The following ELAVL2 variants were observed in gnomAD, a reference collection of about 807,000 sequenced individuals.
ELAVL2 encodes ELAV like RNA binding protein 2, also known as ELAV-like protein 2.
A neutral mutation model predicts 34.6 loss-of-function variants in ELAVL2; 4 were observed. The observed-to-expected ratio is 0.12, with a 90% CI of 0.06 to 0.26. The LOEUF (loss-of-function observed/expected upper bound fraction) is 0.26, where lower values mean the gene tolerates loss of function less well. ELAVL2 is among the 10% of genes least tolerant of loss of function. ELAVL2 has a pLI of 1.00. For missense variants in ELAVL2, 432 were observed against 442.8 expected, an observed-to-expected ratio of 0.98 and a Z score of 0.22; for synonymous variants, 193 against 154.8, an observed-to-expected ratio of 1.25 and a Z score of -1.83.
chr9:23,841,413 CCAGA>C, the ELAVL2 span, among the ~76,000 whole-genome samples: 1 of 151,928 alleles, frequency 6.6e-6, no homozygotes, highest in African/African-American at 2.4e-5. Flanking sequence ...TGCTACACCA[CCAGA>C]CAGAGTTTTT....
At chr9:23,719,110 A>G (rs771065860) in intron 3 of ELAVL2, among the ~76,000 whole-genome samples, 6 of 152,196 alleles carry the variant, frequency 3.9e-5, no homozygotes, top group Non-Finnish European at 7.4e-5. Context: ...GAGGGGAACT[A>G]CCACCTTTAT....
chr9:23,793,539 G>C (rs917465610), intron 1 of ELAVL2, among the ~76,000 whole-genome samples: 1 of 151,986 alleles, frequency 6.6e-6, no homozygotes, highest in African/African-American at 2.4e-5. Flanking sequence ...AAAACTAATA[G>C]AGTCTCTCAG....
the ELAVL2 span, among the ~76,000 whole-genome samples, chr9:23,842,286 C>T: frequency 6.6e-6 from 1 of 152,030 alleles, no homozygotes; most frequent in Non-Finnish European, 1.5e-5. Flanking sequence ...GTTCAAGGAC[C>T]CTCTCTGCCA....
Position 23,693,313 on chromosome 9 carries a change from C to T in ELAVL2, c.752+135G>A, listed in dbSNP as rs1299158683. 3 of 1,076,596 alleles carry T rather than the reference C, an allele frequency of 2.8e-6. No individual in the cohort carries two copies. In the South Asian group the frequency reaches 4.6e-5, roughly 17 times the overall value. 66.7% of individuals were successfully genotyped at this position (1,076,596 alleles called of 1,614,324 possible). A position where few individuals can be genotyped will look rare whatever the true frequency, so the allele number is the denominator to read the frequency against. On this transcript the variant is annotated intron_variant, in intron 6 of 6. Transcript: ENST00000397312. ...CTTGAGTCAATTGTGCTTCAAAGAG[C>T]AGCTTTTCATTAGGTTGCACATGCA...
At chr9:23,753,928 A>C (rs944069931) in intron 2 of ELAVL2, among the ~76,000 whole-genome samples, 1 of 152,206 alleles carries the variant, frequency 6.6e-6, no homozygotes, top group Non-Finnish European at 1.5e-5. Flanking sequence ...CAAACCAGCA[A>C]AGCAACAAAG....
intron 2 of ELAVL2, among the ~76,000 whole-genome samples, chr9:23,759,754 T>TTTTATATATATATATA (rs1279843264): frequency 2.7e-4 from 22 of 81,344 alleles, no homozygotes; most frequent in East Asian, 1.9e-3. Flanking sequence ...ATATATAGTA[T>TTTTATATATATATATA]TATATATATA....
At chr9:23,824,990 C>T (rs2065206015) in intron 1 of ELAVL2, among the ~76,000 whole-genome samples, 1 of 152,156 alleles carries the variant, frequency 6.6e-6, no homozygotes, top group Non-Finnish European at 1.5e-5. Flanking sequence ...AATCCACTTC[C>T]CAGCGCCCAG....
chr9:23,813,718 C>T (rs1458937271), intron 1 of ELAVL2, among the ~76,000 whole-genome samples: 1 of 152,098 alleles, frequency 6.6e-6, no homozygotes, highest in East Asian at 1.9e-4. Context: ...GTTTTTCAAC[C>T]ACGGGTTAAG....
At chr9:23,724,253 C>A (rs975837564) in intron 3 of ELAVL2, among the ~76,000 whole-genome samples, 1 of 152,194 alleles carries the variant, frequency 6.6e-6, no homozygotes. Flanking sequence ...GCAGGGGACA[C>A]TGCCACCAAG....
chr9:23,719,666 C>T (rs1482015525), intron 3 of ELAVL2, among the ~76,000 whole-genome samples: 1 of 151,996 alleles, frequency 6.6e-6, no homozygotes, highest in African/African-American at 2.4e-5. Flanking sequence ...AAAATTATAG[C>T]ATAAAATGTG....
Position 23,692,538 on chromosome 9 carries a change from G to C in ELAVL2, c.*19C>G. On this transcript the variant is annotated 3_prime_UTR_variant, in exon 7 of 7. Transcript: ENST00000397312. Reference sequence around the variant, plus strand: ...GTTGTATAGTTTTCATATATAAATGGACTGAGGACAAGAGCTCATTAGGCT... The same window carrying C: ...GTTGTATAGTTTTCATATATAAATGCACTGAGGACAAGAGCTCATTAGGCT... 6.3e-7 allele frequency: 1 copy of C among 1,599,566 alleles called. No individual in the cohort carries two copies. The highest frequency in any genetic ancestry group is 8.5e-7 in the Non-Finnish European group (1 of 1,171,120).
chr9:23,804,649 T>C (rs2061991734), intron 1 of ELAVL2, among the ~76,000 whole-genome samples: 1 of 152,216 alleles, frequency 6.6e-6, no homozygotes, highest in Admixed American at 6.5e-5. Context: ...TATTTGCATT[T>C]TTAATTACGC....
At chr9:23,733,093 A>G (rs908446553) in intron 2 of ELAVL2, among the ~76,000 whole-genome samples, 2 of 149,014 alleles carry the variant, frequency 1.3e-5, no homozygotes, top group African/African-American at 2.5e-5. Context: ...ACTGATAGAT[A>G]CTCCTCCTCC....
In ELAVL2 at chr9:23,701,392, C is replaced by T. The variant is rs1748231219; in HGVS notation, c.700G>A (p.Ala234Thr). 4 of 1,614,040 alleles carry T rather than the reference C, an allele frequency of 2.5e-6. No individual in the cohort carries two copies. The highest frequency in any genetic ancestry group is 3.4e-6 in the Non-Finnish European group (4 of 1,179,934). The change falls in exon 5 of 7, where the codon GCA (alanine) becomes ACA (threonine). Residue 234 changes from alanine (A) to threonine (T), a missense_variant. Transcript: ENST00000397312. The part of the protein sequence containing the change: ...RRYPGPLAQQ[A>T]QRFRLDNLLN... ...AACCAGACTTACCTAAAACGCTGTG[C>T]CTGCTGAGCTAGCGGTCCTGGATAC... is the stretch of plus-strand genomic sequence containing the variant.
At chr9:23,824,859 G>C (rs752509713) in intron 1 of ELAVL2, among the ~76,000 whole-genome samples, 1 of 152,194 alleles carries the variant, frequency 6.6e-6, no homozygotes, top group Non-Finnish European at 1.5e-5. Context: ...CGGTAAGGAG[G>C]GGGTGAGGGC....
At position 23,774,084 on chromosome 9, in the gene ELAVL2, G is replaced by C. The variant is rs187758705; in HGVS notation, c.-15-11835C>G. On this transcript the variant is annotated intron_variant, in intron 1 of 6. Coordinates refer to ENST00000397312, the MANE Select transcript of ELAVL2 (RefSeq NM_004432.5). The stretch of plus-strand genomic sequence containing the variant: ...AAATTAGCCGGACTTGGTGGCGGGC[G>C]CCTGTAGTCCCAGCTACACGGGAGG... 4.0e-4 allele frequency among the ~76,000 whole-genome samples: 61 copies of C among 151,638 alleles called. 2 individuals carry two copies. In the East Asian group the frequency reaches 0.01, roughly 25 times the overall value.
chr9:23,771,660 G>A (rs1223454036), intron 1 of ELAVL2, among the ~76,000 whole-genome samples: 3 of 152,066 alleles, frequency 2.0e-5, no homozygotes, highest in Admixed American at 1.3e-4. Flanking sequence ...TAGTATATCA[G>A]AAAATTGATT....
intron 1 of ELAVL2, among the ~76,000 whole-genome samples, chr9:23,785,500 T>C (rs1303788173): frequency 6.6e-6 from 1 of 152,344 alleles, no homozygotes; most frequent in East Asian, 1.9e-4. Flanking sequence ...AAATGAAACA[T>C]TTTTAATCAG....
Position 23,772,046 on chromosome 9 carries a change from C to T in ELAVL2, c.-15-9797G>A, listed in dbSNP as rs1295127112. On this transcript the variant is annotated intron_variant, in intron 1 of 6. Coordinates refer to ENST00000397312, the MANE Select transcript of ELAVL2 (RefSeq NM_004432.5). Reference sequence around the variant, plus strand: ...ACAAGAATAAAATCAACTACTCCCTCAGTTTTGTGGCAGAGGTTTTGTTTG... The same window carrying T: ...ACAAGAATAAAATCAACTACTCCCTTAGTTTTGTGGCAGAGGTTTTGTTTG... Among the ~76,000 whole-genome samples, 4 of 152,268 alleles carry T rather than the reference C, an allele frequency of 2.6e-5. No individual in the cohort carries two copies. The East Asian group carries it at 5.8e-4, about 22-fold the overall frequency.
Sources: gnomAD v4.1 joint callset for allele counts (sites outside exome capture counted in the v4.1 genomes callset) on GRCh38, gnomAD v4.1.1 for gene constraint, MANE v1.5 for transcripts, NCBI Gene and HGNC (gene_info 2026-07-23, HGNC 2026-07-21) for gene names.